The following ERICH3 variants were observed in gnomAD, a reference collection of about 807,000 sequenced individuals.
ERICH3 encodes glutamate-rich protein 3.
A neutral mutation model predicts 131.1 loss-of-function variants in ERICH3; 126 were observed. The ratio of observed to expected loss-of-function variants is 0.96; its 90% CI spans 0.83 to 1.11. The LOEUF (loss-of-function observed/expected upper bound fraction) is 1.11. Ranked by LOEUF, ERICH3 falls within the 50% of genes most tolerant of loss-of-function variation. ERICH3 has a pLI of 0.00. For synonymous variants in ERICH3, 695 were observed against 644.6 expected (o/e 1.08, Z -1.18); for missense variants, 2,050 against 1,810.7 (o/e 1.13, Z -2.40).
intron 7 of ERICH3, chr1:74,624,914 A>C (rs1649362326): frequency 1.1e-5 from 1 of 94,910 alleles, no homozygotes; most frequent in African/African-American, 5.5e-5. Flanking sequence ...TACAGGTGTT[A>C]GAGATTGGGT....
At position 74,589,967 on chromosome 1, in the gene ERICH3, T is replaced by G. The variant is rs976772035; in HGVS notation, c.1840A>C (p.Ser614Arg). 1 of 1,614,060 alleles carries G rather than the reference T, an allele frequency of 6.2e-7. No homozygotes were observed. Among genetic ancestry groups the G allele is most frequent in the South Asian group, 1.1e-5 (1 of 91,088 alleles). ...TCCTGAGAAGATGACCTTCTGGCAC[T>G]TTCATCTGTGCTGCTGTCAGTGTGG... ...EAHTDSSTDE[S>R]ARRSSSQELS... Residue 614 changes from serine (S) to arginine (R), a missense_variant, in exon 12 of 15, where the codon AGT (serine) becomes CGT (arginine). Physicochemically the swap from Ser to Arg is moderately radical, Grantham distance 110 (BLOSUM62 -1). Transcript: ENST00000326665.
At chr1:74,581,162 CA>C (rs757852224) in intron 12 of ERICH3, among the ~76,000 whole-genome samples, 6 of 152,100 alleles carry the variant, frequency 3.9e-5, no homozygotes, top group Non-Finnish European at 5.9e-5. Flanking sequence ...TGTTCTACAA[CA>C]AATTTTGGAT....
chr1:74,620,645 G>T (rs975611580), intron 8 of ERICH3, 89 bp downstream of exon 8: 2 of 1,165,050 alleles, frequency 1.7e-6, no homozygotes, highest in Non-Finnish European at 2.4e-6. Flanking sequence ...TTCATAAAGT[G>T]ATTGAAGTCA....
chr1:74,625,704 G>T (rs1649392094), intron 7 of ERICH3: 1 of 152,112 alleles, frequency 6.6e-6, no homozygotes, highest in Non-Finnish European at 1.5e-5. Flanking sequence ...CATATCATTT[G>T]CCATTATCAA....
At chr1:74,579,509 G>A in intron 12 of ERICH3, 6 of 985,384 alleles carry the variant, frequency 6.1e-6, no homozygotes, top group Non-Finnish European at 7.2e-6. Context: ...GGAAGTAGAT[G>A]AGAGCCTGTA....
chr1:74,597,583 T>C (rs1014674660), intron 11 of ERICH3, among the ~76,000 whole-genome samples: 2 of 151,986 alleles, frequency 1.3e-5, no homozygotes, highest in Admixed American at 6.6e-5. Context: ...ATTTTTCCCA[T>C]TGAAAATTCC....
chr1:74,644,128 G>A (rs1268012684), intron 3 of ERICH3, among the ~76,000 whole-genome samples: 2 of 151,930 alleles, frequency 1.3e-5, no homozygotes, highest in Non-Finnish European at 2.9e-5. Flanking sequence ...TTGAAAAAAT[G>A]TTTCCCCTCT....
intron 5 of ERICH3, among the ~76,000 whole-genome samples, chr1:74,639,129 G>T (rs985064355): frequency 2.6e-5 from 4 of 152,090 alleles, no homozygotes; most frequent in Non-Finnish European, 5.9e-5. Context: ...AGAGAAATTA[G>T]AACTGAGGTT....
chr1:74,608,350 CCT>C (rs1195344728), intron 9 of ERICH3, among the ~76,000 whole-genome samples: 1 of 151,926 alleles, frequency 6.6e-6, no homozygotes, highest in African/African-American at 2.4e-5. Flanking sequence ...CTCACGTTCC[CCT>C]CTCTGCATGT....
chr1:74,585,162 T>G (rs1647272525), intron 12 of ERICH3, among the ~76,000 whole-genome samples: 1 of 152,192 alleles, frequency 6.6e-6, no homozygotes, highest in South Asian at 2.1e-4. Flanking sequence ...TGCACTTGAG[T>G]TATTCCACTA....
intron 2 of ERICH3, among the ~76,000 whole-genome samples, chr1:74,647,336 G>A (rs1224823661): frequency 2.0e-5 from 3 of 151,994 alleles, no homozygotes; most frequent in South Asian, 2.1e-4. Context: ...GCAAACATGC[G>A]AGCTACAAAG....
chr1:74,581,430 G>A (rs1647180246), intron 12 of ERICH3, among the ~76,000 whole-genome samples: 1 of 152,008 alleles, frequency 6.6e-6, no homozygotes, highest in Non-Finnish European at 1.5e-5. Flanking sequence ...TGAGAAATTG[G>A]TCACCTTACA....
chr1:74,576,809 T>C, intron 13 of ERICH3, 86 bp downstream of exon 13: 1 of 1,221,086 alleles, frequency 8.2e-7, no homozygotes, highest in Non-Finnish European at 1.2e-6. Context: ...CCTAGTGATT[T>C]CAAGAACATG....
chr1:74,625,474 A>C (rs1470955746), intron 7 of ERICH3: 1 of 152,118 alleles, frequency 6.6e-6, no homozygotes, highest in Non-Finnish European at 1.5e-5. Flanking sequence ...GCCCATTTCA[A>C]ATGCCACCTT....
At chr1:74,620,543 G>T (rs1649169181) in intron 8 of ERICH3, among the ~76,000 whole-genome samples, 191 bp downstream of exon 8, 1 of 152,116 alleles carries the variant, frequency 6.6e-6, no homozygotes, top group African/African-American at 2.4e-5. Flanking sequence ...CACAATCTGC[G>T]AGAGTAATTG....
At chr1:74,659,762 G>C (rs867741767) in intron 1 of ERICH3, among the ~76,000 whole-genome samples, 1 of 152,060 alleles carries the variant, frequency 6.6e-6, no homozygotes, top group African/African-American at 2.4e-5. Context: ...ATACAAGAAG[G>C]GTATCCAAGA....
intron 10 of ERICH3, 40 bp from the exon 11 acceptor site, chr1:74,599,971 A>C: frequency 7.2e-7 from 1 of 1,397,654 alleles, no homozygotes; most frequent in African/African-American, 1.4e-5. Flanking sequence ...TGAAAATAGA[A>C]CCCCTTATAC....
At chr1:74,596,920 G>T (rs1274419601) in intron 11 of ERICH3, among the ~76,000 whole-genome samples, 1 of 151,992 alleles carries the variant, frequency 6.6e-6, no homozygotes, top group East Asian at 1.9e-4. Flanking sequence ...ATTGTTAGCT[G>T]GCAGTTCAAA....
chr1:74,597,244 A>T (rs1647895692), intron 11 of ERICH3, among the ~76,000 whole-genome samples: 1 of 152,092 alleles, frequency 6.6e-6, no homozygotes, highest in Admixed American at 6.6e-5. Context: ...AGACATGTTT[A>T]TGCCTTGAAT....
Sources: allele counts gnomAD v4.1 joint callset (sites outside exome capture counted in the v4.1 genomes callset), GRCh38; gene constraint gnomAD v4.1.1; transcripts MANE v1.5; gene names NCBI Gene and HGNC (gene_info 2026-07-23, HGNC 2026-07-21).